The following GFRA2 variants were observed in gnomAD, a reference collection of about 807,000 sequenced individuals.
The protein encoded by GFRA2 is GDNF family receptor alpha-2.
GFRA2 carries 17 observed loss-of-function variants against 48.3 expected under a neutral mutation model. That is an observed-to-expected ratio of 0.35 (90% CI 0.24 to 0.53). The LOEUF (loss-of-function observed/expected upper bound fraction) is 0.53, where lower values mean the gene tolerates loss of function less well. GFRA2 is among the 20% of genes least tolerant of loss of function. GFRA2 has a pLI of 0.93. For synonymous variants in GFRA2, 305 were observed against 257.2 expected (o/e 1.19, Z -1.78); for missense variants, 660 against 637.3 (o/e 1.04, Z -0.38).
chr8:21,762,366 C>A (rs189179807), intron 3 of GFRA2, among the ~76,000 whole-genome samples: 1 of 152,294 alleles, frequency 6.6e-6, no homozygotes, highest in Non-Finnish European at 1.5e-5. Flanking sequence ...GGACCTGAAC[C>A]CTTGTCCCCT....
intron 3 of GFRA2, among the ~76,000 whole-genome samples, chr8:21,766,951 AC>A (rs888778849): frequency 2.1e-5 from 3 of 145,074 alleles, no homozygotes; most frequent in African/African-American, 7.8e-5. Context: ...ACACTCCACC[AC>A]CGACACACAT....
At chr8:21,695,197 T>C (rs1044423448) in intron 7 of GFRA2, among the ~76,000 whole-genome samples, 10 of 152,144 alleles carry the variant, frequency 6.6e-5, no homozygotes, top group Admixed American at 2.0e-4. Flanking sequence ...GATTCCAAGA[T>C]TGTCTACCCT....
intron 4 of GFRA2, among the ~76,000 whole-genome samples, chr8:21,743,203 G>T (rs989670244): frequency 6.6e-6 from 1 of 152,112 alleles, no homozygotes; most frequent in African/African-American, 2.4e-5. Context: ...TCAGGGTCTC[G>T]GCTCCTTGCA....
At chr8:21,726,436 C>A (rs952316744) in intron 4 of GFRA2, among the ~76,000 whole-genome samples, 7 of 152,350 alleles carry the variant, frequency 4.6e-5, no homozygotes, top group African/African-American at 1.7e-4. Flanking sequence ...TTACCACAAA[C>A]TCAGTGGCTT....
chr8:21,696,472 C>T (rs1409609076), intron 7 of GFRA2, among the ~76,000 whole-genome samples: 1 of 152,176 alleles, frequency 6.6e-6, no homozygotes, highest in East Asian at 1.9e-4. Context: ...ACAAGAAGGG[C>T]CCCAGGGTGG....
intron 4 of GFRA2, among the ~76,000 whole-genome samples, chr8:21,707,531 G>A (rs1349231744): frequency 6.6e-6 from 1 of 152,148 alleles, no homozygotes; most frequent in Non-Finnish European, 1.5e-5. Context: ...GCGATCCTGA[G>A]GGATGGTTCT....
chr8:21,754,591 C>T (rs1805472715), intron 3 of GFRA2, among the ~76,000 whole-genome samples: 1 of 150,264 alleles, frequency 6.7e-6, no homozygotes, highest in African/African-American at 2.4e-5. Context: ...TCACTGCAAC[C>T]TCTGCCTCCT....
Position 21,766,492 on chromosome 8 carries a change from C to T in GFRA2, c.439+8480G>A, listed in dbSNP as rs148283311. The stretch of plus-strand genomic sequence containing the variant: ...ATCTGGGGATAAATTCACACACCTT[C>T]CCTCTGAGCCTAAGCTCCCCGAGTT... On this transcript the variant is annotated intron_variant, in intron 3 of 8. Coordinates refer to ENST00000524240, the MANE Select transcript of GFRA2 (RefSeq NM_001495.5). Among the ~76,000 whole-genome samples, 1,305 of 151,944 alleles carry T rather than the reference C, an allele frequency of 8.6e-3. 20 individuals are homozygous for T. The highest frequency in any genetic ancestry group is 0.03 in the African/African-American group (1,228 of 41,388).
chr8:21,766,991 A>G (rs2117671682), intron 3 of GFRA2, among the ~76,000 whole-genome samples: 1 of 139,528 alleles, frequency 7.2e-6, no homozygotes, highest in South Asian at 2.6e-4. Flanking sequence ...ACTACATACC[A>G]CACACAACCT....
intron 4 of GFRA2, among the ~76,000 whole-genome samples, chr8:21,717,664 C>T (rs1388055914): frequency 6.6e-6 from 1 of 152,208 alleles, no homozygotes; most frequent in Non-Finnish European, 1.5e-5. Context: ...ATTCAACTGA[C>T]TGTCTATCCT....
At chr8:21,805,847 A>C (rs1455056911) in intron 1 of GFRA2, among the ~76,000 whole-genome samples, 1 of 152,202 alleles carries the variant, frequency 6.6e-6, no homozygotes, top group Admixed American at 6.5e-5. Context: ...AACTTGATGA[A>C]CAGCCAGCAG....
At chr8:21,790,863 T>C (rs908678224), upstream of GFRA2, among the ~76,000 whole-genome samples, 8 of 152,178 alleles carry the variant, frequency 5.3e-5, no homozygotes, top group Non-Finnish European at 8.8e-5. Context: ...CGGCTTTGGA[T>C]AAGTGTAGGT....
At chr8:21,768,595 G>A (rs1806292175) in intron 3 of GFRA2, among the ~76,000 whole-genome samples, 1 of 152,156 alleles carries the variant, frequency 6.6e-6, no homozygotes, top group Admixed American at 6.5e-5. Context: ...TGCACAGAGG[G>A]AGCCGACCCA....
intron 6 of GFRA2, among the ~76,000 whole-genome samples, chr8:21,704,761 C>T (rs1227212701): frequency 1.3e-5 from 2 of 152,190 alleles, no homozygotes; most frequent in African/African-American, 2.4e-5. Context: ...ACAGGCTTGA[C>T]ATAGGTTCAA....
chr8:21,727,128 C>A (rs1283757992), intron 4 of GFRA2, among the ~76,000 whole-genome samples: 1 of 152,204 alleles, frequency 6.6e-6, no homozygotes, highest in Non-Finnish European at 1.5e-5. Context: ...TTATTCAACC[C>A]ACTACACTCA....
chr8:21,703,760 T>C (rs1175162815), intron 6 of GFRA2, among the ~76,000 whole-genome samples: 1 of 151,962 alleles, frequency 6.6e-6, no homozygotes, highest in Admixed American at 6.6e-5. Flanking sequence ...CTCCACCCCA[T>C]CTCCCATCGC....
intron 2 of GFRA2, among the ~76,000 whole-genome samples, chr8:21,778,679 C>G (rs1345444532): frequency 1.3e-5 from 2 of 152,096 alleles, no homozygotes; most frequent in Non-Finnish European, 2.9e-5. Context: ...TTGCTTGAGG[C>G]CAGAAGTTTG....
At chr8:21,702,217 T>A (rs1414293183) in intron 7 of GFRA2, among the ~76,000 whole-genome samples, 1 of 151,826 alleles carries the variant, frequency 6.6e-6, no homozygotes, top group East Asian at 1.9e-4. Flanking sequence ...GGGAGCTAAG[T>A]GGAGGGAGCA....
At chr8:21,715,749 A>G (rs1803300128) in intron 4 of GFRA2, among the ~76,000 whole-genome samples, 1 of 152,208 alleles carries the variant, frequency 6.6e-6, no homozygotes, top group Non-Finnish European at 1.5e-5. Flanking sequence ...GCAGGCAAGG[A>G]AAAACATGCT....
Sources: allele counts gnomAD v4.1 joint callset (sites outside exome capture counted in the v4.1 genomes callset), GRCh38; gene constraint gnomAD v4.1.1; transcripts MANE v1.5; gene names NCBI Gene and HGNC (gene_info 2026-07-23, HGNC 2026-07-21).